Variants in RFTN1 observed in about 807,000 individuals in gnomAD.
RFTN1 encodes the protein raftlin, lipid raft linker 1, also known as raftlin.
RFTN1 carries 26 observed loss-of-function variants against 46.5 expected under a neutral mutation model. The ratio of observed to expected loss-of-function variants is 0.56; its 90% CI spans 0.41 to 0.78. The LOEUF (loss-of-function observed/expected upper bound fraction) is 0.78. Among genes scored for constraint, RFTN1 ranks in the 30% least tolerant of loss-of-function variants. The pLI, the probability that RFTN1 is intolerant of heterozygous loss-of-function variation, is 0.00. For missense variants in RFTN1, 693 were observed against 718.7 expected (o/e 0.96, Z 0.41); for synonymous variants, 261 against 284.2 (o/e 0.92, Z 0.82).
chr3:16,456,647 T>C (rs2075911072), intron 2 of RFTN1, among the ~76,000 whole-genome samples: 1 of 152,238 alleles, frequency 6.6e-6, no homozygotes, highest in African/African-American at 2.4e-5. Flanking sequence ...GTGGGTTACA[T>C]CTATCTATAT....
rs572357966 is a variant in RFTN1, at chr3:16,414,271, G to T, written c.333-4788C>A. On this transcript the variant is annotated intron_variant, in intron 3 of 9. Coordinates refer to ENST00000334133, the MANE Select transcript of RFTN1 (RefSeq NM_015150.2). ...TAGACATGCATGAGCACCTAACAGA[G>T]TATGCCCAATGGTGGGAAGTCTTGA... Among the ~76,000 whole-genome samples the T allele has an allele frequency of 6.0e-5, 9 of 149,722 alleles. No homozygotes were observed. In the South Asian group the frequency reaches 1.9e-3, roughly 32 times the overall value.
At chr3:16,396,063 A>T (rs2074460297) in intron 4 of RFTN1, among the ~76,000 whole-genome samples, 1 of 152,212 alleles carries the variant, frequency 6.6e-6, no homozygotes, top group Non-Finnish European at 1.5e-5. Context: ...TTTAAAATAT[A>T]CATAGATGGT....
At chr3:16,419,879 G>A (rs1380055354) in intron 3 of RFTN1, among the ~76,000 whole-genome samples, 1 of 152,154 alleles carries the variant, frequency 6.6e-6, no homozygotes, top group African/African-American at 2.4e-5. Flanking sequence ...CAGCACTTCT[G>A]TTGAAAAAAG....
chr3:16,397,093 G>C (rs1252826182), intron 4 of RFTN1, among the ~76,000 whole-genome samples: 1 of 150,166 alleles, frequency 6.7e-6, no homozygotes, highest in African/African-American at 2.5e-5. Context: ...AAAAGAGAGA[G>C]AGAAGAAAAC....
intron 9 of RFTN1, among the ~76,000 whole-genome samples, chr3:16,319,546 G>T (rs957445802): frequency 5.3e-5 from 8 of 152,274 alleles, no homozygotes; most frequent in Non-Finnish European, 1.2e-4. Flanking sequence ...TACAACTGAG[G>T]ACAATTCCAC....
At chr3:16,472,914 C>T (rs1446130688) in intron 2 of RFTN1, among the ~76,000 whole-genome samples, 2 of 152,194 alleles carry the variant, frequency 1.3e-5, no homozygotes, top group Non-Finnish European at 2.9e-5. Context: ...CTGGCACTAC[C>T]AGGTTGACTG....
Position 16,329,833 on chromosome 3 carries a change from G to A in RFTN1, c.1147-2957C>T, listed in dbSNP as rs968668935. Among the ~76,000 whole-genome samples the A allele has an allele frequency of 5.3e-5, 8 of 152,196 alleles. No homozygotes were observed. Among genetic ancestry groups the A allele is most frequent in the Non-Finnish European group, 7.4e-5 (5 of 68,010 alleles). On this transcript the variant is annotated intron_variant, in intron 7 of 9. Coordinates refer to ENST00000334133, the MANE Select transcript of RFTN1 (RefSeq NM_015150.2). This position sits in a 1 kb window ranked among gnomAD's most constrained non-coding sequence, Gnocchi z 4.5. ...CATGGCAACCAGGACAAGCTTTGGC[G>A]CCTCACAAAGCCCTGAGTGGCAGAA...
In RFTN1 at chr3:16,377,810, T is replaced by A. The variant is rs2073836153; in HGVS notation, c.734A>T (p.Asp245Val). The A allele has an allele frequency of 1.2e-6, 2 of 1,613,990 alleles. No homozygotes were observed. The highest frequency in any genetic ancestry group is 2.7e-5 in the African/African-American group (2 of 74,914). Reference protein sequence around the residue: ...KQPSSPSGEGDGGELSPQGVS... With the variant: ...KQPSSPSGEGVGGELSPQGVS... ...CCCCTGTGGTGAAAGTTCTCCACCA[T>A]CTCCCTCTCCGGAGGGTGAGCTGGG... The change falls in exon 5 of 10, where the codon GAT becomes GTT. Residue 245 changes from aspartate to valine, a missense_variant. Transcript: ENST00000334133.
chr3:16,379,175 G>A (rs2073893838), intron 4 of RFTN1, among the ~76,000 whole-genome samples: 1 of 152,192 alleles, frequency 6.6e-6, no homozygotes, highest in African/African-American at 2.4e-5. Flanking sequence ...TCATTTGAGA[G>A]TCAGTTTTGC....
intron 3 of RFTN1, among the ~76,000 whole-genome samples, chr3:16,415,430 T>TATATATACACACACACACACAC: frequency 8.8e-6 from 1 of 114,276 alleles, no homozygotes; most frequent in South Asian, 2.9e-4. Context: ...TATATATATA[T>TATATATACACACACACACACAC]ACACACACAC....
intron 7 of RFTN1, among the ~76,000 whole-genome samples, chr3:16,340,561 A>G (rs1263838074): frequency 6.6e-6 from 1 of 152,232 alleles, no homozygotes; most frequent in Non-Finnish European, 1.5e-5. Flanking sequence ...TAAGTTTGGA[A>G]TGGTTAGTTA....
At chr3:16,340,758 G>A (rs1490427988) in intron 7 of RFTN1, among the ~76,000 whole-genome samples, 4 of 152,114 alleles carry the variant, frequency 2.6e-5, no homozygotes, top group South Asian at 2.1e-4. Context: ...TGTCCAAACC[G>A]TTTCTGAACA....
rs1357014101 is a variant in RFTN1, at chr3:16,447,041, C to A, written c.146-13004G>T. Reference sequence around the variant, plus strand: ...GGGGGCTTGGCACAACTTCTATCCACAAAAGAAGACCACTCATTTGTTCAA... The same window carrying A: ...GGGGGCTTGGCACAACTTCTATCCAAAAAAGAAGACCACTCATTTGTTCAA... On this transcript the variant is annotated intron_variant, in intron 2 of 9. Coordinates refer to ENST00000334133, the MANE Select transcript of RFTN1 (RefSeq NM_015150.2). This position sits in a 1 kb window ranked among gnomAD's most constrained non-coding sequence, Gnocchi z 5.9. 6.6e-6 allele frequency among the ~76,000 whole-genome samples: 1 copy of A among 152,194 alleles called. No individual in the cohort carries two copies. Among genetic ancestry groups the A allele is most frequent in the Admixed American group, 6.5e-5 (1 of 15,274 alleles).
chr3:16,462,588 C>T (rs891433455), intron 2 of RFTN1, among the ~76,000 whole-genome samples: 7 of 152,284 alleles, frequency 4.6e-5, no homozygotes, highest in East Asian at 1.9e-4. Context: ...GCTGCAGCTA[C>T]GAGCCAATGA....
chr3:16,444,317 T>C (rs564523365), intron 2 of RFTN1, among the ~76,000 whole-genome samples: 18 of 152,372 alleles, frequency 1.2e-4, no homozygotes, highest in African/African-American at 4.3e-4. Context: ...ATTAAACTAC[T>C]GGATTTACAA....
intron 7 of RFTN1, among the ~76,000 whole-genome samples, chr3:16,332,821 T>A (rs1156559334): frequency 7.1e-6 from 1 of 141,490 alleles, no homozygotes; most frequent in Non-Finnish European, 1.5e-5. Context: ...CTTTTTGTTC[T>A]TGTGGGCATC....
In RFTN1 at chr3:16,348,095, C is replaced by T. The variant is rs2071856670; in HGVS notation, c.1146+9837G>A. 1 of 152,080 alleles carries T rather than the reference C, an allele frequency of 6.6e-6. No individual in the cohort carries two copies. 9.4% of individuals were successfully genotyped at this position (152,080 alleles called of 1,614,324 possible). On this transcript the variant is annotated intron_variant, in intron 7 of 9. Coordinates refer to ENST00000334133, the MANE Select transcript of RFTN1 (RefSeq NM_015150.2). This position sits in a 1 kb window ranked among gnomAD's most constrained non-coding sequence, Gnocchi z 6.3. ...GGAGCAGGGCTTTCATACACCCACA[C>T]TCCTCTGTCATCGACGAGGACCACC... is the stretch of plus-strand genomic sequence containing the variant.
At chr3:16,367,499 C>G (rs2073260083) in intron 6 of RFTN1, among the ~76,000 whole-genome samples, 1 of 152,158 alleles carries the variant, frequency 6.6e-6, no homozygotes, top group Admixed American at 6.5e-5. Context: ...CCCTCCCTGA[C>G]ATAGAGATGA....
In RFTN1 at chr3:16,447,075, C is replaced by A. The variant is rs184771798; in HGVS notation, c.146-13038G>T. On this transcript the variant is annotated intron_variant, in intron 2 of 9. Transcript: ENST00000334133. The surrounding 1 kb of genome is among the most constrained non-coding windows in gnomAD (Gnocchi z 5.9). ...ACCACTCATTTGTTCAAAGGCACCACCCCAAGACACACCAGCAAATTCCTA... is the reference window on the plus strand; with the variant it reads ...ACCACTCATTTGTTCAAAGGCACCAACCCAAGACACACCAGCAAATTCCTA... 6.6e-6 allele frequency among the ~76,000 whole-genome samples: 1 copy of A among 152,202 alleles called. No individual in the cohort carries two copies. The highest frequency in any genetic ancestry group is 1.5e-5 in the Non-Finnish European group (1 of 68,046).
Sources: allele counts gnomAD v4.1 joint callset (sites outside exome capture counted in the v4.1 genomes callset), GRCh38; gene constraint gnomAD v4.1.1; non-coding constraint Gnocchi (gnomAD v3.1); transcripts MANE v1.5; gene names NCBI Gene and HGNC (gene_info 2026-07-23, HGNC 2026-07-21).